ADAMTS9: variants seen among roughly 807,000 people sequenced by gnomAD.
The protein encoded by ADAMTS9 is ADAM metallopeptidase with thrombospondin type 1 motif 9.
ADAMTS9 carries 107 observed loss-of-function variants against 257.1 expected under a neutral mutation model. The ratio of observed to expected loss-of-function variants is 0.42; its 90% CI spans 0.36 to 0.49. The LOEUF (loss-of-function observed/expected upper bound fraction) is 0.49, where lower values mean the gene tolerates loss of function less well. Among genes scored for constraint, ADAMTS9 ranks in the 20% least tolerant of loss-of-function variants. ADAMTS9 has a pLI of 0.03. For synonymous variants in ADAMTS9, 982 were observed against 880.9 expected (o/e 1.11, Z -2.03); for missense variants, 2,353 against 2,469.1 (o/e 0.95, Z 1.00).
chr3:64,664,896 C>A (rs1245151668), intron 3 of ADAMTS9, among the ~76,000 whole-genome samples: 2 of 152,108 alleles, frequency 1.3e-5, no homozygotes, highest in Non-Finnish European at 2.9e-5. Context: ...TCTTGAAGTT[C>A]AAATAAGACA....
At chr3:64,540,594 T>A (rs1266182566) in intron 36 of ADAMTS9, among the ~76,000 whole-genome samples, 2 of 152,194 alleles carry the variant, frequency 1.3e-5, no homozygotes, top group African/African-American at 2.4e-5. Flanking sequence ...ATGTTGCCCA[T>A]GAATTTCTTG....
At chr3:64,619,793 A>T (rs1221628093) in intron 19 of ADAMTS9, among the ~76,000 whole-genome samples, 1 of 152,146 alleles carries the variant, frequency 6.6e-6, no homozygotes, top group Admixed American at 6.5e-5. Context: ...CACCATTCTC[A>T]ATTTATTAAG....
intron 26 of ADAMTS9, among the ~76,000 whole-genome samples, chr3:64,597,562 T>C (rs1293356281): frequency 1.3e-5 from 2 of 152,206 alleles, no homozygotes; most frequent in East Asian, 3.8e-4. Context: ...TACAACAGCC[T>C]GAACTTCGGT....
intron 38 of ADAMTS9, among the ~76,000 whole-genome samples, chr3:64,527,824 T>C (rs902365224): frequency 1.3e-5 from 2 of 152,150 alleles, no homozygotes; most frequent in African/African-American, 2.4e-5. Flanking sequence ...TGGTGGATAG[T>C]TGGATTTTCA....
intron 32 of ADAMTS9, among the ~76,000 whole-genome samples, chr3:64,543,101 C>T (rs1342197384): frequency 1.3e-5 from 2 of 152,092 alleles, no homozygotes; most frequent in Non-Finnish European, 2.9e-5. Flanking sequence ...CAATAACAGG[C>T]TCTGAAATTG....
At chr3:64,659,667 A>G (rs541669958) in intron 3 of ADAMTS9, among the ~76,000 whole-genome samples, 1 of 152,212 alleles carries the variant, frequency 6.6e-6, no homozygotes, top group South Asian at 2.1e-4. Flanking sequence ...CAGCAATTCA[A>G]TGTCTCTGAA....
In ADAMTS9 at chr3:64,616,021, T is replaced by A; in HGVS notation, c.2963A>T (p.Asn988Ile). ...GFCSSHPKPSNREKCSGECNT... is the reference protein window; with the variant it reads ...GFCSSHPKPSIREKCSGECNT... Reference sequence around the variant, plus strand: ...ACATTCCCCTGAGCATTTTTCACGGTTGCTTGGTTTGGGATGGCTGCTGCA... The same window carrying A: ...ACATTCCCCTGAGCATTTTTCACGGATGCTTGGTTTGGGATGGCTGCTGCA... Residue 988 changes from asparagine to isoleucine, a missense_variant, in exon 20 of 40, where the codon AAC (asparagine) becomes ATC (isoleucine). Asn to Ile is a moderately radical substitution (Grantham distance 149, BLOSUM62 -3). This residue lies in a region of ADAMTS9 where 1,402 missense variants were observed against 1,441.4 expected (regional missense o/e 0.97). Transcript: ENST00000498707. The A allele has an allele frequency of 6.2e-7, 1 of 1,613,982 alleles. No individual in the cohort carries two copies. The highest frequency in any genetic ancestry group is 8.5e-7 in the Non-Finnish European group (1 of 1,179,966).
At chr3:64,590,127 GAAAAGAAA>G (rs1398245535) in intron 28 of ADAMTS9, 1 of 152,030 alleles carries the variant, frequency 6.6e-6, no homozygotes, top group African/African-American at 2.4e-5. Flanking sequence ...AACAGTACTA[GAAAAGAAA>G]AAATACCCAA....
chr3:64,560,581 T>G (rs570347768), intron 30 of ADAMTS9, among the ~76,000 whole-genome samples: 1 of 152,286 alleles, frequency 6.6e-6, no homozygotes, highest in East Asian at 1.9e-4. Flanking sequence ...ATGACACAGA[T>G]TCTGTGAACC....
At chr3:64,530,745 G>A (rs561989196) in intron 38 of ADAMTS9, among the ~76,000 whole-genome samples, 1 of 151,960 alleles carries the variant, frequency 6.6e-6, no homozygotes, top group South Asian at 2.1e-4. Context: ...ATCTACATGG[G>A]TTTCCTACAA....
rs921624532 is a variant in ADAMTS9 at position 64,614,167 on chromosome 3, C to A, written c.3190-658G>T. 2.6e-5 allele frequency among the ~76,000 whole-genome samples: 4 copies of A among 152,292 alleles called. No homozygotes were observed. In the South Asian group the frequency reaches 6.2e-4, roughly 24 times the overall value. On this transcript the variant is annotated intron_variant, in intron 21 of 39. Transcript: ENST00000498707. ...GATTATAGTGAATTTACAGTTTGAT[C>A]TCCCAACCCCCATTTTATCGCATAT...
intron 32 of ADAMTS9, among the ~76,000 whole-genome samples, chr3:64,545,532 C>T (rs1022603790): frequency 6.6e-6 from 1 of 152,138 alleles, no homozygotes; most frequent in East Asian, 1.9e-4. Context: ...ACTGCATGTT[C>T]TCACTCATAG....
At chr3:64,675,287 C>G (rs1431030875) in intron 3 of ADAMTS9, among the ~76,000 whole-genome samples, 1 of 152,124 alleles carries the variant, frequency 6.6e-6, no homozygotes, top group Non-Finnish European at 1.5e-5. Flanking sequence ...GGAACAGAGG[C>G]TACCACATAA....
rs112804463 is a variant in ADAMTS9 at position 64,609,090 on chromosome 3, C to T, written c.3355-2011G>A. On this transcript the variant is annotated intron_variant, in intron 22 of 39. Transcript: ENST00000498707. Reference sequence around the variant, plus strand: ...AACATCTTTTCATGATAAAACAATTCAGAAATCTAGCAATAAAAGGGAACT... The same window carrying T: ...AACATCTTTTCATGATAAAACAATTTAGAAATCTAGCAATAAAAGGGAACT... Among the ~76,000 whole-genome samples, 319 of 151,912 alleles carry T rather than the reference C, an allele frequency of 2.1e-3. 4 individuals are homozygous for T. Among genetic ancestry groups the T allele is most frequent in the African/African-American group, 7.5e-3 (311 of 41,460 alleles).
At chr3:64,608,871 C>G (rs1051357157) in intron 22 of ADAMTS9, among the ~76,000 whole-genome samples, 2 of 151,864 alleles carry the variant, frequency 1.3e-5, no homozygotes, top group African/African-American at 4.8e-5. Flanking sequence ...TGTAAAAATC[C>G]TCAACAAAGT....
intron 6 of ADAMTS9, among the ~76,000 whole-genome samples, chr3:64,655,033 C>A (rs762859165): frequency 6.6e-6 from 1 of 152,186 alleles, no homozygotes; most frequent in Non-Finnish European, 1.5e-5. Context: ...TAAGCCAGCA[C>A]GCGTCTTTGT....
chr3:64,617,905 T>C (rs6802863), intron 19 of ADAMTS9, among the ~76,000 whole-genome samples: 85,790 of 152,032 alleles, frequency 0.56, 26,942 homozygotes, highest in African/African-American at 0.86. Context: ...AGTAACAATC[T>C]TCTCTTCAGT....
chr3:64,628,166 GA>G lies in ADAMTS9; in HGVS notation c.2389+3288del, dbSNP rs1461215156. ...CCGTTAAAGTGTCATAACTGGCTCA[GA>G]TTGCCTGTGCCAGATGACAAATCTT... On this transcript the variant is annotated intron_variant, in intron 16 of 39. Coordinates refer to ENST00000498707, the MANE Select transcript of ADAMTS9 (RefSeq NM_182920.2). 2.0e-5 allele frequency among the ~76,000 whole-genome samples: 3 copies of G among 152,280 alleles called. No homozygotes were observed. In the East Asian group the frequency reaches 5.8e-4, roughly 29 times the overall value.
chr3:64,527,656 GGTTTT>G (rs1030807740), intron 38 of ADAMTS9, among the ~76,000 whole-genome samples: 1 of 151,864 alleles, frequency 6.6e-6, no homozygotes, highest in Non-Finnish European at 1.5e-5. Flanking sequence ...CAGCATATAG[GGTTTT>G]TTTTTCTGAA....
Sources: gnomAD v4.1 joint callset for allele counts (sites outside exome capture counted in the v4.1 genomes callset) on GRCh38, gnomAD v4.1.1 for gene constraint, gnomAD v4.1.1 regional missense constraint, MANE v1.5 for transcripts, NCBI Gene and HGNC (gene_info 2026-07-23, HGNC 2026-07-21) for gene names.